The following PCDHGA3 variants were observed in gnomAD, a reference collection of about 807,000 sequenced individuals.
PCDHGA3 encodes the protein protocadherin gamma subfamily A, 3.
Under a neutral mutation model 58.5 loss-of-function variants are expected in PCDHGA3, and 40 were observed. That is an observed-to-expected ratio of 0.68 (90% CI 0.53 to 0.89). PCDHGA3 has a LOEUF of 0.89. Among genes scored for constraint, PCDHGA3 ranks in the 40% least tolerant of loss-of-function variants. The probability of loss-of-function intolerance (pLI) is 0.00; values close to 1 mark genes in which losing one functional copy is unlikely to be tolerated. For missense variants in PCDHGA3, 1,223 were observed against 1,195.9 expected, an observed-to-expected ratio of 1.02 and a Z score of -0.33; for synonymous variants, 530 against 525.7, an observed-to-expected ratio of 1.01 and a Z score of -0.11.
intron 1 of PCDHGA3, among the ~76,000 whole-genome samples, chr5:141,402,517 G>A (rs2094277430): frequency 6.6e-6 from 1 of 152,024 alleles, no homozygotes; most frequent in African/African-American, 2.4e-5. Context: ...ATTAAGCAAT[G>A]GTTTGTGATT....
At chr5:141,352,398 G>A in intron 1 of PCDHGA3, 3 of 1,613,996 alleles carry the variant, frequency 1.9e-6, no homozygotes, top group Non-Finnish European at 2.5e-6. Context: ...CGCCTGCGAC[G>A]TTCCTCCAGC....
intron 1 of PCDHGA3, chr5:141,419,105 C>G: frequency 6.2e-7 from 1 of 1,613,918 alleles, no homozygotes; most frequent in Non-Finnish European, 8.5e-7. Context: ...GGAGCAGACC[C>G]CAGAGTACAA....
chr5:141,433,742 C>T lies in PCDHGA3; in HGVS notation c.2425-61065C>T, dbSNP rs927651405. 2.6e-5 allele frequency among the ~76,000 whole-genome samples: 4 copies of T among 150,944 alleles called. No homozygotes were observed. The East Asian group carries it at 7.9e-4, about 30-fold the overall frequency. On this transcript the variant is annotated intron_variant, in intron 1 of 3. Coordinates refer to ENST00000253812, the MANE Select transcript of PCDHGA3 (RefSeq NM_018916.4). Reference sequence around the variant, plus strand: ...ATCCCAGCTACTTGGGAGGCTGAGTCAGGAGAATTGCTTTAACCTGGGAGG... The same window carrying T: ...ATCCCAGCTACTTGGGAGGCTGAGTTAGGAGAATTGCTTTAACCTGGGAGG...
At position 141,345,243 on chromosome 5, in the gene PCDHGA3, T is replaced by C. The variant is rs772665253; in HGVS notation, c.1210T>C (p.Leu404=). The change falls in exon 1 of 4, where the codon TTA becomes CTA. Residue 404 remains leucine, a synonymous_variant. Coordinates refer to ENST00000253812, the MANE Select transcript of PCDHGA3 (RefSeq NM_018916.4). ...AAAATCAATAGATCAATATTACCGC[T>C]TAGTGACGGCCACATCCCTGGACCG... ...LEKSIDQYYR[L]VTATSLDREQ... is the part of the protein sequence containing the mutation. 4 of 1,613,838 alleles carry C rather than the reference T, an allele frequency of 2.5e-6. No homozygotes were observed. In the Admixed American group the frequency reaches 6.7e-5, roughly 27 times the overall value.
chr5:141,492,050 C>CT, intron 1 of PCDHGA3: 1 of 501,102 alleles, frequency 2.0e-6, no homozygotes, highest in Non-Finnish European at 3.5e-6. Flanking sequence ...AGATCCACCC[C>CT]TGCAGCCAGC....
intron 2 of PCDHGA3, among the ~76,000 whole-genome samples, chr5:141,499,317 A>G (rs532848559): frequency 7.9e-5 from 12 of 152,354 alleles, no homozygotes; most frequent in Admixed American, 1.3e-4. Context: ...GAGAGACAGT[A>G]TCCCTGCTCT....
intron 1 of PCDHGA3, chr5:141,478,489 C>G (rs779457709): frequency 5.6e-6 from 9 of 1,613,162 alleles, no homozygotes; most frequent in Middle Eastern, 1.6e-4. Flanking sequence ...CGCTGCGGAG[C>G]TGTGATCCGG....
At chr5:141,502,534 C>T (rs565889110) in intron 2 of PCDHGA3, among the ~76,000 whole-genome samples, 10 of 152,074 alleles carry the variant, frequency 6.6e-5, no homozygotes, top group Non-Finnish European at 1.0e-4. Context: ...CGAGTTTGTT[C>T]GTGTGGTAAA....
chr5:141,471,036 C>A (rs1437409726), intron 1 of PCDHGA3, among the ~76,000 whole-genome samples: 1 of 144,908 alleles, frequency 6.9e-6, no homozygotes, highest in Admixed American at 7.0e-5. Context: ...TATTAACAAG[C>A]CCAAGCCCTC....
intron 1 of PCDHGA3, chr5:141,351,048 C>A: frequency 6.2e-7 from 1 of 1,614,036 alleles, no homozygotes; most frequent in Non-Finnish European, 8.5e-7. Flanking sequence ...CGGGTGATGG[C>A]CACAGACCAG....
rs186288044 is a variant in PCDHGA3, at chr5:141,433,652, A to G, written c.2425-61155A>G. On this transcript the variant is annotated intron_variant, in intron 1 of 3. Transcript: ENST00000253812. ...GGAGTTTGAGACCAGCCTGACCAAC[A>G]TGGAGAAACCCCGTCTATACTAAAA... is the stretch of plus-strand genomic sequence containing the variant. 1.0e-2 allele frequency among the ~76,000 whole-genome samples: 1,520 copies of G among 152,208 alleles called. 33 individuals are homozygous for G. The highest frequency in any genetic ancestry group is 0.034 in the African/African-American group (1,423 of 41,538).
chr5:141,442,343 G>C (rs1300318674), intron 1 of PCDHGA3: 1 of 152,336 alleles, frequency 6.6e-6, no homozygotes, highest in Non-Finnish European at 1.5e-5. Flanking sequence ...CAGGTTTCTG[G>C]GTAACTGTAG....
Position 141,351,785 on chromosome 5 carries a change from G to A in PCDHGA3, c.2424+5328G>A, listed in dbSNP as rs747419202. ...CGTGTCCGTGAGCCCGCAGAGCGGG[G>A]TGGTGTTCGCGCAGCGCGCCTTCGA... is the stretch of plus-strand genomic sequence containing the variant. On this transcript the variant is annotated intron_variant, in intron 1 of 3. Coordinates refer to ENST00000253812, the MANE Select transcript of PCDHGA3 (RefSeq NM_018916.4). The A allele has an allele frequency of 1.1e-5, 18 of 1,613,318 alleles. No individual in the cohort carries two copies. The Admixed American group carries it at 2.8e-4, about 25-fold the overall frequency.
chr5:141,433,993 T>C (rs1367687577), intron 1 of PCDHGA3, among the ~76,000 whole-genome samples: 1 of 152,216 alleles, frequency 6.6e-6, no homozygotes, highest in Admixed American at 6.5e-5. Flanking sequence ...GAGTTTTATA[T>C]TCTCTATATA....
intron 1 of PCDHGA3, chr5:141,357,201 C>T: frequency 6.2e-7 from 1 of 1,613,844 alleles, no homozygotes; most frequent in Non-Finnish European, 8.5e-7. Flanking sequence ...TGGCCGACAG[C>T]ATCCCAGATG....
rs549557253 is a variant in PCDHGA3 at position 141,503,310 on chromosome 5, T to C, written c.2484-2083T>C. 2.6e-5 allele frequency among the ~76,000 whole-genome samples: 4 copies of C among 152,176 alleles called. No homozygotes were observed. The East Asian group carries it at 7.7e-4, about 29-fold the overall frequency. On this transcript the variant is annotated intron_variant, in intron 2 of 3. Coordinates refer to ENST00000253812, the MANE Select transcript of PCDHGA3 (RefSeq NM_018916.4). ...TACATAGAAATTGCTCAAGAAAGAA[T>C]TGTTGGAGGGGCGCGGTGGCTCACG...
Position 141,491,029 on chromosome 5 carries a change from G to T in PCDHGA3, c.2425-3778G>T. 1 of 1,614,172 alleles carries T rather than the reference G, an allele frequency of 6.2e-7. No homozygotes were observed. The highest frequency in any genetic ancestry group is 1.1e-5 in the South Asian group (1 of 91,088). On this transcript the variant is annotated intron_variant, in intron 1 of 3. Coordinates refer to ENST00000253812, the MANE Select transcript of PCDHGA3 (RefSeq NM_018916.4). The surrounding 1 kb of genome is among the most constrained non-coding windows in gnomAD (Gnocchi z 6.9). ...GGTCACCAAGGTGACAGCCGTGGAT[G>T]CTGATGCAGGCCACAATGCGTGGCT...
chr5:141,403,438 T>G (rs759998240), intron 1 of PCDHGA3: 12 of 1,614,054 alleles, frequency 7.4e-6, no homozygotes, highest in Non-Finnish European at 8.5e-6. Flanking sequence ...ATCCGGATGT[T>G]GGCGTGAACT....
At chr5:141,398,882 G>C in intron 1 of PCDHGA3, 1 of 1,613,930 alleles carries the variant, frequency 6.2e-7, no homozygotes, top group Non-Finnish European at 8.5e-7. Flanking sequence ...GTCAGCCTTC[G>C]GGAAAACGTG....
Sources: allele counts gnomAD v4.1 joint callset (sites outside exome capture counted in the v4.1 genomes callset), GRCh38; gene constraint gnomAD v4.1.1; non-coding constraint Gnocchi (gnomAD v3.1); transcripts MANE v1.5; gene names NCBI Gene and HGNC (gene_info 2026-07-23, HGNC 2026-07-21).